The following GRID2 variants were observed in gnomAD, a reference collection of about 807,000 sequenced individuals.
GRID2 encodes the protein glutamate ionotropic receptor delta type subunit 2, also known as glutamate receptor ionotropic, delta-2.
Under a neutral mutation model 114.8 loss-of-function variants are expected in GRID2, and 33 were observed. The ratio of observed to expected loss-of-function variants is 0.29; its 90% CI spans 0.22 to 0.38. The LOEUF (loss-of-function observed/expected upper bound fraction) is 0.38, where lower values mean the gene tolerates loss of function less well. Ranked by LOEUF, GRID2 falls within the 10% of genes least tolerant of loss-of-function variation. GRID2 has a pLI of 1.00. For missense variants in GRID2, 1,184 were observed against 1,257.7 expected, an observed-to-expected ratio of 0.94 and a Z score of 0.89; for synonymous variants, 505 against 449.9, an observed-to-expected ratio of 1.12 and a Z score of -1.55.
chr4:92,579,975 T>G (rs1309509379), intron 1 of GRID2, among the ~76,000 whole-genome samples: 1 of 140,756 alleles, frequency 7.1e-6, no homozygotes, highest in African/African-American at 2.5e-5. Flanking sequence ...ATATATTTTA[T>G]ATATGTATAT....
chr4:93,311,744 T>C (rs1579632487), intron 8 of GRID2, among the ~76,000 whole-genome samples: 1 of 152,112 alleles, frequency 6.6e-6, no homozygotes, highest in Non-Finnish European at 1.5e-5. Flanking sequence ...GTAAGGAGGG[T>C]ACTTCAAGAA....
intron 2 of GRID2, among the ~76,000 whole-genome samples, chr4:92,949,271 A>G (rs1044290250): frequency 3.9e-5 from 6 of 152,008 alleles, no homozygotes; most frequent in African/African-American, 1.2e-4. Context: ...CTAAATATCT[A>G]TGTAATTATT....
chr4:93,356,298 A>G (rs2149268095), intron 8 of GRID2, among the ~76,000 whole-genome samples: 1 of 152,174 alleles, frequency 6.6e-6, no homozygotes, highest in East Asian at 1.9e-4. Flanking sequence ...ATATAAAAAC[A>G]AGGGCCCTGG....
intron 2 of GRID2, among the ~76,000 whole-genome samples, chr4:92,624,690 TCAAC>T (rs1406147153): frequency 6.6e-6 from 1 of 151,732 alleles, no homozygotes; most frequent in African/African-American, 2.4e-5. Flanking sequence ...TTAAGAATCT[TCAAC>T]CAAAGGAAAA....
intron 2 of GRID2, among the ~76,000 whole-genome samples, chr4:92,966,831 T>A (rs1285745037): frequency 6.6e-6 from 1 of 151,998 alleles, no homozygotes; most frequent in Admixed American, 6.6e-5. Context: ...AGGCTCTGTG[T>A]GTCTTTCTCT....
chr4:92,874,187 A>T (rs1023507455), intron 2 of GRID2, among the ~76,000 whole-genome samples: 2 of 152,080 alleles, frequency 1.3e-5, no homozygotes, highest in Non-Finnish European at 2.9e-5. Context: ...TTGTCACAAC[A>T]TTTGGGCTCT....
At chr4:93,181,832 T>C (rs1490219286) in intron 4 of GRID2, among the ~76,000 whole-genome samples, 1 of 152,204 alleles carries the variant, frequency 6.6e-6, no homozygotes, top group Non-Finnish European at 1.5e-5. Flanking sequence ...ATGTAAAGAT[T>C]CCTCATAGTA....
chr4:92,543,939 A>C (rs1423901054), intron 1 of GRID2, among the ~76,000 whole-genome samples: 1 of 152,180 alleles, frequency 6.6e-6, no homozygotes, highest in Non-Finnish European at 1.5e-5. Flanking sequence ...CAGTTATCCT[A>C]AGGGCTAATT....
At chr4:93,622,073 A>C (rs1455554834) in intron 13 of GRID2, among the ~76,000 whole-genome samples, 14 of 152,280 alleles carry the variant, frequency 9.2e-5, no homozygotes, top group Non-Finnish European at 2.1e-4. Context: ...TTAAAACAGA[A>C]GATAATCACA....
chr4:92,735,902 TAGAA>T (rs1052378035), intron 2 of GRID2, among the ~76,000 whole-genome samples: 11 of 152,020 alleles, frequency 7.2e-5, no homozygotes, highest in African/African-American at 1.4e-4. Flanking sequence ...ATTTAAAAAT[TAGAA>T]AGAAATATTT....
intron 6 of GRID2, among the ~76,000 whole-genome samples, chr4:93,220,263 T>G (rs1024459962): frequency 2.6e-5 from 4 of 151,802 alleles, no homozygotes; most frequent in Non-Finnish European, 4.4e-5. Flanking sequence ...TTTTTTTAGA[T>G]TGGGAGAATG....
In GRID2 at chr4:92,770,270, C is replaced by G. The variant is rs577145927; in HGVS notation, c.244+179984C>G. 3.9e-5 allele frequency among the ~76,000 whole-genome samples: 6 copies of G among 152,310 alleles called. No homozygotes were observed. The East Asian group carries it at 1.2e-3, about 29-fold the overall frequency. On this transcript the variant is annotated intron_variant, in intron 2 of 15. Transcript: ENST00000282020. Reference sequence around the variant, plus strand: ...AAAAGTTCCTCATCTCTATCTGAGACTACCTCAGCCTGGATCTTATTGTTC... The same window carrying G: ...AAAAGTTCCTCATCTCTATCTGAGAGTACCTCAGCCTGGATCTTATTGTTC...
chr4:93,291,349 G>A (rs1294642055), intron 8 of GRID2, among the ~76,000 whole-genome samples: 1 of 152,084 alleles, frequency 6.6e-6, no homozygotes. Context: ...TGTAATAGGG[G>A]TTTAGTTTAG....
chr4:92,402,797 G>C (rs1431129503), intron 1 of GRID2, among the ~76,000 whole-genome samples: 1 of 152,160 alleles, frequency 6.6e-6, no homozygotes, highest in Non-Finnish European at 1.5e-5. Context: ...TGCTGCATTA[G>C]TCTCTAACAA....
chr4:92,406,563 A>G (rs1287927025), intron 1 of GRID2, among the ~76,000 whole-genome samples: 3 of 151,978 alleles, frequency 2.0e-5, no homozygotes, highest in African/African-American at 7.3e-5. Context: ...GTCAACTTTT[A>G]TTATAGATTA....
At chr4:93,635,845 A>G (rs1380434966) in intron 14 of GRID2, among the ~76,000 whole-genome samples, 2 of 152,178 alleles carry the variant, frequency 1.3e-5, no homozygotes, top group Non-Finnish European at 2.9e-5. Context: ...AATTTTTCAA[A>G]AATATTTATG....
intron 14 of GRID2, among the ~76,000 whole-genome samples, chr4:93,718,096 A>T (rs1729061353): frequency 6.6e-6 from 1 of 152,192 alleles, no homozygotes. Flanking sequence ...TCTACTAAAA[A>T]TACAAAAAAA....
intron 1 of GRID2, among the ~76,000 whole-genome samples, chr4:92,336,067 A>T (rs1376946855): frequency 6.6e-6 from 1 of 152,208 alleles, no homozygotes; most frequent in African/African-American, 2.4e-5. Context: ...TTCATTACAT[A>T]CACACAAATA....
intron 7 of GRID2, among the ~76,000 whole-genome samples, chr4:93,235,765 A>G (rs545602193): frequency 6.6e-6 from 1 of 152,172 alleles, no homozygotes; most frequent in South Asian, 2.1e-4. Flanking sequence ...AAGTCCCCCA[A>G]TTTATTGTTT....
Sources: gnomAD v4.1 joint callset for allele counts (sites outside exome capture counted in the v4.1 genomes callset) on GRCh38, gnomAD v4.1.1 for gene constraint, MANE v1.5 for transcripts, NCBI Gene and HGNC (gene_info 2026-07-23, HGNC 2026-07-21) for gene names.